The following FBXO28 variants were observed in gnomAD, a reference collection of about 807,000 sequenced individuals.
FBXO28 encodes the protein F-box only protein 28.
FBXO28 carries 8 observed loss-of-function variants against 38.1 expected under a neutral mutation model. The observed-to-expected ratio is 0.21, with a 90% CI of 0.12 to 0.38. FBXO28 has a LOEUF of 0.38. Among genes scored for constraint, FBXO28 ranks in the 10% least tolerant of loss-of-function variants. The pLI, the probability that FBXO28 is intolerant of heterozygous loss-of-function variation, is 1.00. For synonymous variants in FBXO28, 168 were observed against 173.8 expected (o/e 0.97, Z 0.26); for missense variants, 345 against 460.6 (o/e 0.75, Z 2.30).
intron 3 of FBXO28, among the ~76,000 whole-genome samples, chr1:224,141,492 A>G (rs2102625720): frequency 6.6e-6 from 1 of 152,032 alleles, no homozygotes; most frequent in East Asian, 1.9e-4. Flanking sequence ...AAAAAGATGC[A>G]ATCATGCGTC....
Position 224,153,041 on chromosome 1 carries a change from T to A in FBXO28, c.517-101T>A, listed in dbSNP as rs1349604559. On this transcript the variant is annotated intron_variant, in intron 3 of 4. Transcript: ENST00000366862. ...TCACTTAAATCACCCTACAGGTCTT[T>A]ACTGGAATTGCAAAACAAGCAGTTA... 8.3e-6 allele frequency: 7 copies of A among 841,196 alleles called. No individual in the cohort carries two copies. The Admixed American group carries it at 1.8e-4, about 22-fold the overall frequency. The allele number at this position is 841,196 out of a possible 1,614,324, so 52.1% of individuals were successfully genotyped here.
intron 1 of FBXO28, among the ~76,000 whole-genome samples, chr1:224,129,816 C>A (rs1656993741): frequency 6.6e-6 from 1 of 151,966 alleles, no homozygotes; most frequent in Non-Finnish European, 1.5e-5. Context: ...AGTGAAACCC[C>A]GTCTCTACTA....
intron 2 of FBXO28, among the ~76,000 whole-genome samples, chr1:224,132,252 C>CA (rs1553289464): frequency 6.6e-6 from 1 of 150,424 alleles, no homozygotes; most frequent in Non-Finnish European, 1.5e-5. Flanking sequence ...ACTCTGTCTC[C>CA]AAAAAAAAGG....
chr1:224,148,803 G>A (rs898090348), intron 3 of FBXO28, among the ~76,000 whole-genome samples: 1 of 152,092 alleles, frequency 6.6e-6, no homozygotes, highest in African/African-American at 2.4e-5. Flanking sequence ...ACTCCACACT[G>A]TTTAGCCAGG....
Position 224,142,668 on chromosome 1 carries a change from T to A in FBXO28, c.516+8456T>A, listed in dbSNP as rs111885349. The stretch of plus-strand genomic sequence containing the variant: ...CTGTCTCTACTAAAAATAAAAAAAT[T>A]GCCAGGCACAGTGGCTCCCACCTGT... On this transcript the variant is annotated intron_variant, in intron 3 of 4. Transcript: ENST00000366862. Among the ~76,000 whole-genome samples, 557 of 151,190 alleles carry A rather than the reference T, an allele frequency of 3.7e-3. 6 individuals carry two copies. The highest frequency in any genetic ancestry group is 0.013 in the African/African-American group (531 of 41,178).
chr1:224,126,693 C>A (rs1362580574), intron 1 of FBXO28, among the ~76,000 whole-genome samples: 2 of 152,100 alleles, frequency 1.3e-5, no homozygotes, highest in Non-Finnish European at 2.9e-5. Flanking sequence ...GCCTGTAATC[C>A]CAGCTACTTG....
intron 1 of FBXO28, among the ~76,000 whole-genome samples, chr1:224,128,806 AC>A (rs1656965022): frequency 1.3e-5 from 2 of 151,574 alleles, no homozygotes; most frequent in Admixed American, 6.6e-5. Context: ...GGCAACATAG[AC>A]CCCCATCTCT....
chr1:224,146,884 T>A (rs1269149545), intron 3 of FBXO28, among the ~76,000 whole-genome samples: 2 of 151,190 alleles, frequency 1.3e-5, no homozygotes, highest in Non-Finnish European at 2.9e-5. Flanking sequence ...ATTTTTGTAT[T>A]TTTAGTAGAG....
chr1:224,135,611 C>CAAAAAAAA (rs71168313), intron 3 of FBXO28, among the ~76,000 whole-genome samples: 109 of 110,692 alleles, frequency 9.8e-4, no homozygotes, highest in African/African-American at 1.5e-3. Context: ...GACTCTGTCT[C>CAAAAAAAA]AAAAAAAAAA....
chr1:224,114,258 G>A lies in FBXO28; in HGVS notation c.129G>A (p.Pro43=), dbSNP rs375437126. 2 of 1,554,874 alleles carry A rather than the reference G, an allele frequency of 1.3e-6. No homozygotes were observed. The highest frequency in any genetic ancestry group is 2.4e-5 in the East Asian group (1 of 41,598). Residue 43 remains proline, a synonymous_variant, in exon 1 of 5, where the codon CCG becomes CCA. Transcript: ENST00000366862. ...CGCCCGCGCCACAGCACCCGCAGCC[G>A]GGGTCCCAGGCGCTCCCAGCCCCCG... is the stretch of plus-strand genomic sequence containing the variant. ...PPPPAPQHPQ[P]GSQALPAPAL...
At chr1:224,115,243 T>C (rs933595754) in intron 1 of FBXO28, among the ~76,000 whole-genome samples, 2 of 152,234 alleles carry the variant, frequency 1.3e-5, no homozygotes, top group Admixed American at 1.3e-4. Flanking sequence ...TTTGAAGATG[T>C]GGTGATTGTT....
At chr1:224,134,325 C>A in intron 3 of FBXO28, 113 bp downstream of exon 3, 1 of 975,258 alleles carries the variant, frequency 1.0e-6, no homozygotes, top group Admixed American at 2.5e-5. Context: ...CTCTGAGTTT[C>A]TACTAATGAA....
intron 1 of FBXO28, among the ~76,000 whole-genome samples, chr1:224,125,909 G>A (rs968185932): frequency 1.1e-4 from 16 of 152,142 alleles, no homozygotes; most frequent in African/African-American, 3.9e-4. Flanking sequence ...GATTACAGGC[G>A]TGAGCCACTG....
intron 3 of FBXO28, among the ~76,000 whole-genome samples, chr1:224,142,783 T>C (rs4653985): frequency 0.93 from 140,781 of 152,098 alleles, 66,028 homozygotes; most frequent in East Asian, 1. Context: ...ACCCTGTCTC[T>C]ACTAAAAGTA....
chr1:224,155,645 A>T (rs1410611209), intron 4 of FBXO28, among the ~76,000 whole-genome samples: 1 of 152,244 alleles, frequency 6.6e-6, no homozygotes, highest in Admixed American at 6.5e-5. Context: ...AGAATTTAGT[A>T]AAACTTTTTG....
rs1167643819 is a variant in FBXO28, at chr1:224,138,288, CT to C, written c.516+4083del. On this transcript the variant is annotated intron_variant, in intron 3 of 4. Transcript: ENST00000366862. The stretch of plus-strand genomic sequence containing the variant: ...ATTATCTAGGACAGGAATCAGCAAA[CT>C]TTTTTTGGTAAAAGGCCAGTTTATA... Among the ~76,000 whole-genome samples the C allele has an allele frequency of 2.6e-5, 4 of 151,676 alleles. No individual in the cohort carries two copies. In the East Asian group the frequency reaches 7.7e-4, roughly 29 times the overall value.
chr1:224,143,598 G>A (rs1657421516), intron 3 of FBXO28, among the ~76,000 whole-genome samples: 1 of 152,208 alleles, frequency 6.6e-6, no homozygotes. Flanking sequence ...GCCGAGGCGG[G>A]CAGATCACGA....
Position 224,136,106 on chromosome 1 carries a change from T to TTTTTTG in FBXO28, c.516+1899_516+1900insGTTTTT, listed in dbSNP as rs1320210799. On this transcript the variant is annotated intron_variant, in intron 3 of 4. Transcript: ENST00000366862. ...GAAACCATTTGTTGACTTCAGTTTT[T>TTTTTTG]TTTTTTTTTTTTTTTGAGATGGTGT... Among the ~76,000 whole-genome samples, 121 of 126,602 alleles carry TTTTTTG rather than the reference T, an allele frequency of 9.6e-4. 5 individuals carry two copies. Among genetic ancestry groups the TTTTTTG allele is most frequent in the Admixed American group, 6.2e-3 (77 of 12,352 alleles). 83.1% of individuals were successfully genotyped at this position (126,602 alleles called of 152,430 possible).
intron 3 of FBXO28, among the ~76,000 whole-genome samples, chr1:224,152,715 G>A (rs566251345): frequency 6.6e-6 from 1 of 152,084 alleles, no homozygotes; most frequent in Admixed American, 6.6e-5. Flanking sequence ...TGGATCCTGA[G>A]GTCAAGAGTT....
Sources: allele counts gnomAD v4.1 joint callset (sites outside exome capture counted in the v4.1 genomes callset), GRCh38; gene constraint gnomAD v4.1.1; transcripts MANE v1.5; gene names NCBI Gene and HGNC (gene_info 2026-07-23, HGNC 2026-07-21).